PKHD1: variants seen among roughly 807,000 people sequenced by gnomAD.
PKHD1 encodes the protein fibrocystin.
Under a neutral mutation model 412.0 loss-of-function variants are expected in PKHD1, and 291 were observed. That is an observed-to-expected ratio of 0.71 (90% CI 0.64 to 0.78). The LOEUF (loss-of-function observed/expected upper bound fraction) is 0.78. Ranked by LOEUF, PKHD1 falls within the 30% of genes least tolerant of loss-of-function variation. The pLI, the probability that PKHD1 is intolerant of heterozygous loss-of-function variation, is 0.00. For missense variants in PKHD1, 4,825 were observed against 4,950.7 expected, an observed-to-expected ratio of 0.97 and a Z score of 0.76; for synonymous variants, 1,777 against 1,821.5, an observed-to-expected ratio of 0.98 and a Z score of 0.62.
intron 36 of PKHD1, among the ~76,000 whole-genome samples, chr6:51,944,866 TGC>T (rs1789209384): frequency 6.6e-6 from 1 of 152,248 alleles, no homozygotes; most frequent in Non-Finnish European, 1.5e-5. Flanking sequence ...ACTTGAGCAC[TGC>T]TAGACCATCT....
intron 65 of PKHD1, among the ~76,000 whole-genome samples, chr6:51,627,853 T>C (rs998925764): frequency 2.0e-5 from 3 of 152,164 alleles, no homozygotes; most frequent in Non-Finnish European, 4.4e-5. Context: ...ATTTAATAAA[T>C]TCATTCATCT....
In PKHD1 at chr6:52,050,161, C is replaced by A. The variant is rs550730673; in HGVS notation, c.2275G>T (p.Ala759Ser). 6.2e-7 allele frequency: 1 copy of A among 1,614,074 alleles called. No individual in the cohort carries two copies. Among genetic ancestry groups the A allele is most frequent in the South Asian group, 1.1e-5 (1 of 91,076 alleles). The change falls in exon 22 of 67, where the codon GCA becomes TCA. Residue 759 changes from alanine to serine, a missense_variant. Coordinates refer to ENST00000371117, the MANE Select transcript of PKHD1 (RefSeq NM_138694.4). ...TGTAAAAAAGCCACTCCTTACCGTGCAGTGATGAGCGGGAGCTCCGTGCCA... is the reference window on the plus strand; with the variant it reads ...TGTAAAAAAGCCACTCCTTACCGTGAAGTGATGAGCGGGAGCTCCGTGCCA... ...GCGTELPLIT[A>S]RSVPTEGTEE...
At chr6:51,986,796 A>G (rs1316791913) in intron 35 of PKHD1, among the ~76,000 whole-genome samples, 1 of 152,238 alleles carries the variant, frequency 6.6e-6, no homozygotes, top group African/African-American at 2.4e-5. Flanking sequence ...AGGAAACTTT[A>G]AAACTGGAAA....
chr6:52,082,865 C>T (rs978164020), intron 3 of PKHD1, among the ~76,000 whole-genome samples: 3 of 152,164 alleles, frequency 2.0e-5, no homozygotes, highest in Admixed American at 6.5e-5. Context: ...AGGAAGATAG[C>T]CAAGATTCTG....
At chr6:51,650,658 A>G (rs1019863040) in intron 61 of PKHD1, among the ~76,000 whole-genome samples, 1 of 152,106 alleles carries the variant, frequency 6.6e-6, no homozygotes, top group Non-Finnish European at 1.5e-5. Context: ...CTAAATATGA[A>G]GTTTCCATAG....
chr6:51,643,997 G>C (rs1337936803), intron 63 of PKHD1, among the ~76,000 whole-genome samples: 1 of 152,142 alleles, frequency 6.6e-6, no homozygotes, highest in South Asian at 2.1e-4. Context: ...ATTGAAAAGA[G>C]AGTGGGAAAA....
chr6:51,974,202 G>GTGTT lies in PKHD1; in HGVS notation c.5752-14180_5752-14177dup, dbSNP rs375935354. ...CCTTACCTGGGATGTACCTAAAGTA[G>GTGTT]TGTTTGTTTGTTTGTTTGCTTGTTT... On this transcript the variant is annotated intron_variant, in intron 35 of 66. Transcript: ENST00000371117. Among the ~76,000 whole-genome samples, 49 of 152,110 alleles carry GTGTT rather than the reference G, an allele frequency of 3.2e-4. 1 individual carries two copies. Among genetic ancestry groups the GTGTT allele is most frequent in the Middle Eastern group, 3.4e-3 (1 of 294 alleles).
intron 64 of PKHD1, among the ~76,000 whole-genome samples, chr6:51,634,211 G>T (rs185670168): frequency 6.6e-5 from 10 of 152,256 alleles, no homozygotes; most frequent in Non-Finnish European, 1.2e-4. Context: ...GAAACACCAT[G>T]TTTTTCTTTG....
At chr6:51,632,406 T>C (rs1178960111) in intron 65 of PKHD1, among the ~76,000 whole-genome samples, 159 bp downstream of exon 65, 3 of 152,212 alleles carry the variant, frequency 2.0e-5, no homozygotes, top group Non-Finnish European at 2.9e-5. Flanking sequence ...TCCTTGTCTC[T>C]AATGTATTAA....
intron 49 of PKHD1, among the ~76,000 whole-genome samples, chr6:51,850,130 G>A (rs769037667): frequency 3.9e-5 from 6 of 152,162 alleles, no homozygotes; most frequent in Non-Finnish European, 8.8e-5. Context: ...AGTTTTCCCA[G>A]CACCATTTAC....
intron 41 of PKHD1, among the ~76,000 whole-genome samples, chr6:51,905,926 T>G (rs912724316): frequency 1.3e-5 from 2 of 152,184 alleles, no homozygotes; most frequent in Non-Finnish European, 2.9e-5. Context: ...GACATATGCA[T>G]GTGACTTAGA....
Position 51,740,366 on chromosome 6 carries a change from G to A in PKHD1, c.10156+4019C>T, listed in dbSNP as rs560277080. 5.3e-5 allele frequency among the ~76,000 whole-genome samples: 8 copies of A among 152,110 alleles called. No individual in the cohort carries two copies. The South Asian group carries it at 8.3e-4, about 16-fold the overall frequency. Reference sequence around the variant, plus strand: ...CTGTCTGGGTGAGTAGTTTTTGTACGAACTTATATGTGCAAATAAAATCTG... The same window carrying A: ...CTGTCTGGGTGAGTAGTTTTTGTACAAACTTATATGTGCAAATAAAATCTG... On this transcript the variant is annotated intron_variant, in intron 60 of 66. Coordinates refer to ENST00000371117, the MANE Select transcript of PKHD1 (RefSeq NM_138694.4).
intron 60 of PKHD1, among the ~76,000 whole-genome samples, chr6:51,680,492 G>C (rs748079835): frequency 1.3e-5 from 2 of 151,970 alleles, no homozygotes; most frequent in Non-Finnish European, 2.9e-5. Context: ...AAACTCAAGA[G>C]TTATCACAAA....
intron 60 of PKHD1, among the ~76,000 whole-genome samples, chr6:51,671,802 C>T (rs921707644): frequency 8.5e-5 from 13 of 152,194 alleles, no homozygotes; most frequent in African/African-American, 1.2e-4. Context: ...TTGGGGTACC[C>T]GCCCGTGTGA....
intron 46 of PKHD1, among the ~76,000 whole-genome samples, chr6:51,875,137 T>C (rs1423103792): frequency 1.6e-4 from 1 of 6,062 alleles, no homozygotes; most frequent in African/African-American, 8.4e-4. Context: ...CGCTGATTGC[T>C]AGCACAGCAG....
chr6:52,035,853 T>C, intron 27 of PKHD1, 132 bp from the exon 28 acceptor site: 1 of 893,598 alleles, frequency 1.1e-6, no homozygotes, highest in Non-Finnish European at 1.8e-6. Flanking sequence ...ATGCTCAAAC[T>C]GCAGGAAAAA....
At chr6:51,679,479 G>A (rs1383037002) in intron 60 of PKHD1, among the ~76,000 whole-genome samples, 1 of 151,522 alleles carries the variant, frequency 6.6e-6, no homozygotes, top group African/African-American at 2.4e-5. Flanking sequence ...AATGTTCCCA[G>A]CTCCTGAGTG....
Position 51,659,192 on chromosome 6 carries a change from T to G in PKHD1, c.10934A>C (p.Asn3645Thr). The change falls in exon 61 of 67, where the codon AAC (asparagine) becomes ACC (threonine). Residue 3645 changes from asparagine (N) to threonine (T), a missense_variant. By Grantham distance (65) the Asn-to-Thr change is moderately conservative. Coordinates refer to ENST00000371117, the MANE Select transcript of PKHD1 (RefSeq NM_138694.4). ...GQRRPLMMEM[N>T]SHRASPPMTV... ...CATTGGGGGTGAAGCCCTATGTGAG[T>G]TCATTTCCATCATGAGAGGCCTACG... The G allele has an allele frequency of 6.2e-7, 1 of 1,613,802 alleles. No homozygotes were observed. The highest frequency in any genetic ancestry group is 8.5e-7 in the Non-Finnish European group (1 of 1,179,854).
intron 60 of PKHD1, chr6:51,739,926 G>A: frequency 1.9e-6 from 1 of 516,652 alleles, no homozygotes; most frequent in Admixed American, 1.9e-5. Flanking sequence ...TGTAGTCTGG[G>A]ACAGACGGAA....
Sources: allele counts gnomAD v4.1 joint callset (sites outside exome capture counted in the v4.1 genomes callset), GRCh38; gene constraint gnomAD v4.1.1; transcripts MANE v1.5; gene names NCBI Gene and HGNC (gene_info 2026-07-23, HGNC 2026-07-21).